NRXN1: variants seen among roughly 807,000 people sequenced by gnomAD.
NRXN1 encodes neurexin 1.
Under a neutral mutation model 150.9 loss-of-function variants are expected in NRXN1, and 39 were observed. The observed-to-expected ratio is 0.26, with a 90% CI of 0.20 to 0.34. The LOEUF is 0.34. NRXN1 is among the 10% of genes least tolerant of loss of function. The pLI, the probability that NRXN1 is intolerant of heterozygous loss-of-function variation, is 1.00. For synonymous variants in NRXN1, 924 were observed against 757.0 expected (o/e 1.22, Z -3.62); for missense variants, 1,815 against 1,949.9 (o/e 0.93, Z 1.30).
chr2:50,656,468 GCT>G (rs1179481683), intron 5 of NRXN1: 1 of 740,778 alleles, frequency 1.3e-6, no homozygotes, highest in Admixed American at 1.9e-5. Flanking sequence ...TTCAGTTTTT[GCT>G]CTGTTTAAAC....
intron 22 of NRXN1, among the ~76,000 whole-genome samples, chr2:49,923,179 G>A (rs1457778338): frequency 2.0e-5 from 3 of 152,122 alleles, no homozygotes; most frequent in African/African-American, 7.2e-5. Flanking sequence ...GGGAAGAATG[G>A]ACCTGAGATT....
At chr2:50,411,664 C>G (rs570587877) in intron 17 of NRXN1, among the ~76,000 whole-genome samples, 3 of 150,296 alleles carry the variant, frequency 2.0e-5, no homozygotes, top group African/African-American at 7.4e-5. Context: ...TGAGGAGCCC[C>G]TCCGCCCGGC....
intron 2 of NRXN1, among the ~76,000 whole-genome samples, chr2:50,955,828 A>AG (rs1314274757): frequency 6.6e-6 from 1 of 152,158 alleles, no homozygotes; most frequent in African/African-American, 2.4e-5. Flanking sequence ...ATAATTACTG[A>AG]GGGGGGAATG....
At chr2:50,926,031 G>C in intron 2 of NRXN1, 76 bp from the exon 3 acceptor site, 2 of 1,174,178 alleles carry the variant, frequency 1.7e-6, no homozygotes, top group South Asian at 1.3e-5. Context: ...CCTTGCCTTT[G>C]CATGTCTTCC....
intron 5 of NRXN1, among the ~76,000 whole-genome samples, chr2:50,811,764 T>C (rs1485792490): frequency 6.6e-6 from 1 of 152,156 alleles, no homozygotes; most frequent in African/African-American, 2.4e-5. Context: ...AAGATAAAAA[T>C]CTAATAGAGA....
At chr2:50,912,418 G>T (rs997776668) in intron 5 of NRXN1, among the ~76,000 whole-genome samples, 6 of 151,830 alleles carry the variant, frequency 4.0e-5, no homozygotes, top group Non-Finnish European at 8.8e-5. Context: ...TTATCCCCTT[G>T]CCAAAGATAA....
intron 8 of NRXN1, among the ~76,000 whole-genome samples, chr2:50,578,376 C>T (rs1458343461): frequency 1.3e-5 from 2 of 152,098 alleles, no homozygotes; most frequent in African/African-American, 2.4e-5. Flanking sequence ...TTTGAAGCTG[C>T]ATTTGTACAG....
chr2:50,072,943 C>T (rs947883882), intron 19 of NRXN1, among the ~76,000 whole-genome samples: 1 of 152,180 alleles, frequency 6.6e-6, no homozygotes, highest in Non-Finnish European at 1.5e-5. Context: ...TCATTTTCAC[C>T]TATGAAGACA....
intron 17 of NRXN1, among the ~76,000 whole-genome samples, chr2:50,381,674 T>C (rs564104502): frequency 6.6e-5 from 10 of 152,150 alleles, no homozygotes; most frequent in African/African-American, 2.2e-4. Flanking sequence ...ATTAGGTTGG[T>C]GGAAAAGTAA....
At chr2:50,303,018 G>C (rs2074305746) in intron 17 of NRXN1, among the ~76,000 whole-genome samples, 2 of 152,032 alleles carry the variant, frequency 1.3e-5, no homozygotes, top group African/African-American at 4.8e-5. Flanking sequence ...AAAAGTTTTT[G>C]AACTAAAGTC....
chr2:50,422,352 G>C (rs2084066635), intron 17 of NRXN1, among the ~76,000 whole-genome samples: 1 of 151,926 alleles, frequency 6.6e-6, no homozygotes. Flanking sequence ...TTTTAATAAG[G>C]ACAATGTATT....
intron 22 of NRXN1, among the ~76,000 whole-genome samples, chr2:49,942,399 G>A (rs1672137814): frequency 6.6e-6 from 1 of 152,078 alleles, no homozygotes; most frequent in Non-Finnish European, 1.5e-5. Flanking sequence ...TTCAAAACGA[G>A]ATGCACGACA....
At chr2:50,978,301 T>TATATATATATATATAA (rs1696233419) in intron 2 of NRXN1, among the ~76,000 whole-genome samples, 1 of 122,512 alleles carries the variant, frequency 8.2e-6, no homozygotes, top group Non-Finnish European at 1.8e-5. Flanking sequence ...TATATATATA[T>TATATATATATATATAA]ATATAAAATA....
chr2:50,587,729 TATTA>T (rs1278651655), intron 8 of NRXN1, among the ~76,000 whole-genome samples: 2 of 152,120 alleles, frequency 1.3e-5, no homozygotes, highest in East Asian at 1.9e-4. Flanking sequence ...AAATGTAAAA[TATTA>T]ATTAAATGAT....
chr2:50,943,179 C>A (rs1033121720), intron 2 of NRXN1, among the ~76,000 whole-genome samples: 4 of 152,166 alleles, frequency 2.6e-5, no homozygotes, highest in African/African-American at 9.6e-5. Flanking sequence ...TCTCCTGAGG[C>A]CTCCCAGCCA....
intron 8 of NRXN1, chr2:50,619,720 G>C: frequency 2.5e-6 from 1 of 401,026 alleles, no homozygotes; most frequent in Non-Finnish European, 4.4e-6. Context: ...AAACCATTTA[G>C]CTCAACTTTA....
chr2:50,592,756 A>C (rs1006935921), intron 8 of NRXN1, among the ~76,000 whole-genome samples: 1 of 152,144 alleles, frequency 6.6e-6, no homozygotes, highest in Non-Finnish European at 1.5e-5. Flanking sequence ...AGTTCAGGGG[A>C]AAAGATGCTC....
At chr2:50,623,636 C>T in intron 5 of NRXN1, 21 bp from the exon 6 acceptor site, 1 of 1,565,078 alleles carries the variant, frequency 6.4e-7, no homozygotes. Context: ...ACAGATGATA[C>T]ATACATAAGT....
intron 22 of NRXN1, among the ~76,000 whole-genome samples, chr2:49,939,227 T>TC (rs1671551884): frequency 6.6e-6 from 1 of 152,292 alleles, no homozygotes; most frequent in Admixed American, 6.5e-5. Context: ...ACAATTTTTT[T>TC]CTCTAGGCTG....
Sources: gnomAD v4.1 joint callset for allele counts (sites outside exome capture counted in the v4.1 genomes callset) on GRCh38, gnomAD v4.1.1 for gene constraint, MANE v1.5 for transcripts, NCBI Gene and HGNC (gene_info 2026-07-23, HGNC 2026-07-21) for gene names.